DHX34: variants seen among roughly 807,000 people sequenced by gnomAD.
The protein encoded by DHX34 is DExH-box helicase 34.
A neutral mutation model predicts 111.1 loss-of-function variants in DHX34; 96 were observed. That is an observed-to-expected ratio of 0.86 (90% CI 0.73 to 1.02). DHX34 has a LOEUF of 1.02. DHX34 is among the 50% of genes least tolerant of loss of function. The probability of loss-of-function intolerance (pLI) is 0.00; values close to 1 mark genes in which losing one functional copy is unlikely to be tolerated. For synonymous variants in DHX34, 688 were observed against 670.4 expected, an observed-to-expected ratio of 1.03 and a Z score of -0.41; for missense variants, 1,560 against 1,579.9, an observed-to-expected ratio of 0.99 and a Z score of 0.21.
chr19:47,379,566 G>T, intron 13 of DHX34, 144 bp from the exon 14 acceptor site: 1 of 1,468,254 alleles, frequency 6.8e-7, no homozygotes, highest in Non-Finnish European at 9.0e-7. Context: ...AGGGGTGCCT[G>T]GTACAGCGGG....
chr19:47,355,101 A>G lies in DHX34; in HGVS notation c.768A>G (p.Thr256=). 2 of 1,613,454 alleles carry G rather than the reference A, an allele frequency of 1.2e-6. No individual in the cohort carries two copies. The highest frequency in any genetic ancestry group is 2.2e-5 in the East Asian group (1 of 44,830). ...RSAATKIVFL[T]VGLLLRQIQR... ...CGGCCACCAAGATTGTATTCCTGACAGTGGGGCTGCTCCTGCGACAAATCC... is the reference window on the plus strand; with the variant it reads ...CGGCCACCAAGATTGTATTCCTGACGGTGGGGCTGCTCCTGCGACAAATCC... The change falls in exon 3 of 17, where the codon ACA becomes ACG. Residue 256 remains threonine, a synonymous_variant. Coordinates refer to ENST00000328771, the MANE Select transcript of DHX34 (RefSeq NM_014681.6).
chr19:47,355,113 C>T lies in DHX34; in HGVS notation c.780C>T (p.Leu260=), dbSNP rs1252911641. The T allele has an allele frequency of 3.7e-6, 6 of 1,613,892 alleles. No homozygotes were observed. The highest frequency in any genetic ancestry group is 4.2e-6 in the Non-Finnish European group (5 of 1,180,030). ...TTGTATTCCTGACAGTGGGGCTGCT[C>T]CTGCGACAAATCCAGCGGGAACCCA... ...TKIVFLTVGL[L]LRQIQREPSL... Residue 260 remains leucine, a synonymous_variant, in exon 3 of 17, where the codon CTC becomes CTT. Coordinates refer to ENST00000328771, the MANE Select transcript of DHX34 (RefSeq NM_014681.6).
chr19:47,365,006 G>C (rs899840414), intron 6 of DHX34, among the ~76,000 whole-genome samples: 2 of 151,946 alleles, frequency 1.3e-5, no homozygotes, highest in Non-Finnish European at 2.9e-5. Flanking sequence ...AAGGCCACAG[G>C]AACATTTTCT....
Position 47,362,704 on chromosome 19 carries a change from G to A in DHX34, c.1593+11G>A. The A allele has an allele frequency of 5.6e-6, 9 of 1,603,844 alleles. No homozygotes were observed. Among genetic ancestry groups the A allele is most frequent in the Non-Finnish European group, 7.7e-6 (9 of 1,176,074 alleles). On this transcript the variant is annotated intron_variant, in intron 6 of 16. Coordinates refer to ENST00000328771, the MANE Select transcript of DHX34 (RefSeq NM_014681.6). ...TCGTTGGTGCTGCAGGTGAGGCATG[G>A]GCAGAAAGGGGACTATATCCTAACT...
Position 47,353,227 on chromosome 19 carries a change from G to A in DHX34, c.197G>A (p.Arg66His), listed in dbSNP as rs1969342178. The A allele has an allele frequency of 1.9e-6, 3 of 1,614,146 alleles. No homozygotes were observed. The highest frequency in any genetic ancestry group is 1.3e-5 in the African/African-American group (1 of 75,024). ...CAGAAGTTTTGGACCTTCTTTGAAC[G>A]CCTGCAGAGATTCCAGAATCTCAAG... ...ECQKFWTFFE[R>H]LQRFQNLKTS... The change falls in exon 2 of 17, where the codon CGC becomes CAC. Residue 66 changes from arginine (R) to histidine (H), a missense_variant. By Grantham distance (29) the Arg-to-His change is conservative. Coordinates refer to ENST00000328771, the MANE Select transcript of DHX34 (RefSeq NM_014681.6). The surrounding 1 kb of genome is among the most constrained non-coding windows in gnomAD (Gnocchi z 4.6).
chr19:47,376,168 G>A (rs1405766494), intron 11 of DHX34, 71 bp downstream of exon 11: 31 of 1,511,800 alleles, frequency 2.1e-5, no homozygotes, highest in African/African-American at 2.8e-5. Context: ...GTCCTGTGCC[G>A]GGAATGCAGT....
chr19:47,379,389 G>T (rs1258113107), intron 13 of DHX34, among the ~76,000 whole-genome samples: 2 of 152,250 alleles, frequency 1.3e-5, no homozygotes, highest in African/African-American at 4.8e-5. Flanking sequence ...CAGGGTCTGG[G>T]CTCTCCCTGC....
At chr19:47,351,943 C>G (rs1267358699) in intron 1 of DHX34, among the ~76,000 whole-genome samples, 1 of 152,188 alleles carries the variant, frequency 6.6e-6, no homozygotes, top group African/African-American at 2.4e-5. Flanking sequence ...GCCAGGCAGG[C>G]AAAAATTACA....
At chr19:47,362,928 G>A (rs6417155) in intron 6 of DHX34, among the ~76,000 whole-genome samples, 15,131 of 151,810 alleles carry the variant, frequency 0.1, 1,051 homozygotes, top group African/African-American at 0.19. Flanking sequence ...ACACCACCAC[G>A]CTTGGCTAAC....
In DHX34 at chr19:47,353,228, C is replaced by A. The variant is rs1161688683; in HGVS notation, c.198C>A (p.Arg66=). The A allele has an allele frequency of 6.2e-7, 1 of 1,614,166 alleles. No homozygotes were observed. The highest frequency in any genetic ancestry group is 1.1e-5 in the South Asian group (1 of 91,080). The part of the protein sequence containing the change: ...ECQKFWTFFE[R]LQRFQNLKTS... ...AGAAGTTTTGGACCTTCTTTGAACGCCTGCAGAGATTCCAGAATCTCAAGA... is the reference window on the plus strand; with the variant it reads ...AGAAGTTTTGGACCTTCTTTGAACGACTGCAGAGATTCCAGAATCTCAAGA... Residue 66 remains arginine (R), a synonymous_variant, in exon 2 of 17, where the codon CGC becomes CGA. Transcript: ENST00000328771. The surrounding 1 kb of genome is among the most constrained non-coding windows in gnomAD (Gnocchi z 4.6).
Position 47,358,000 on chromosome 19 carries a change from C to T in DHX34, c.1152C>T (p.Phe384=), listed in dbSNP as rs768568236. 4.3e-6 allele frequency: 7 copies of T among 1,613,886 alleles called. No homozygotes were observed. In the South Asian group the frequency reaches 6.6e-5, roughly 15 times the overall value. The change falls in exon 4 of 17, where the codon TTC becomes TTT. Residue 384 remains phenylalanine (F), a synonymous_variant. Coordinates refer to ENST00000328771, the MANE Select transcript of DHX34 (RefSeq NM_014681.6). The part of the protein sequence containing the change: ...PPEERGDLLV[F]LSGMAEISAV... Reference sequence around the variant, plus strand: ...AGGAGCGGGGTGACCTCCTCGTCTTCCTCAGCGGCATGGCGGAGATCAGCG... The same window carrying T: ...AGGAGCGGGGTGACCTCCTCGTCTTTCTCAGCGGCATGGCGGAGATCAGCG...
rs918551823 is a variant in DHX34, at chr19:47,354,264, C to T, written c.705+529C>T. On this transcript the variant is annotated intron_variant, in intron 2 of 16. Coordinates refer to ENST00000328771, the MANE Select transcript of DHX34 (RefSeq NM_014681.6). ...AGGTGTGAGCCACCACGTTGGGCTG[C>T]GAGGGTAATTCTTGACGATCACTGC... 3.9e-5 allele frequency among the ~76,000 whole-genome samples: 6 copies of T among 152,050 alleles called. No homozygotes were observed. In the South Asian group the frequency reaches 8.3e-4, roughly 21 times the overall value.
intron 1 of DHX34, among the ~76,000 whole-genome samples, chr19:47,351,639 T>C (rs1969290178): frequency 6.6e-6 from 1 of 152,222 alleles, no homozygotes; most frequent in African/African-American, 2.4e-5. Flanking sequence ...AGCTCCAGGC[T>C]TATATCAAAC....
chr19:47,360,711 C>G (rs1042317802), intron 5 of DHX34, among the ~76,000 whole-genome samples: 17 of 151,582 alleles, frequency 1.1e-4, no homozygotes, highest in South Asian at 4.2e-4. Flanking sequence ...TGTTTTGAGA[C>G]GGAGTCTTGC....
At chr19:47,378,364 G>A (rs1362845137) in intron 13 of DHX34, among the ~76,000 whole-genome samples, 1 of 152,166 alleles carries the variant, frequency 6.6e-6, no homozygotes, top group East Asian at 1.9e-4. Context: ...CACCCTCATG[G>A]GGCTCAGATA....
chr19:47,352,045 A>AT (rs1242325095), intron 1 of DHX34, among the ~76,000 whole-genome samples: 1 of 152,174 alleles, frequency 6.6e-6, no homozygotes, highest in Non-Finnish European at 1.5e-5. Context: ...TTTTCATTAT[A>AT]TCACACCTCT....
At chr19:47,376,717 G>T in intron 12 of DHX34, 157 bp downstream of exon 12, 1 of 1,425,292 alleles carries the variant, frequency 7.0e-7, no homozygotes, top group Non-Finnish European at 9.3e-7. Flanking sequence ...GGCCTCCCTG[G>T]GTAGCCTTGG....
intron 10 of DHX34, 24 bp downstream of exon 10, chr19:47,375,732 G>A: frequency 1.9e-6 from 3 of 1,559,678 alleles, no homozygotes; most frequent in Non-Finnish European, 2.6e-6. Context: ...GCTGTGGGGT[G>A]TGGGGGTTTA....
chr19:47,382,393 G>T lies in DHX34; in HGVS notation c.*280G>T. 2.3e-6 allele frequency: 1 copy of T among 440,860 alleles called. No homozygotes were observed. Among genetic ancestry groups the T allele is most frequent in the Non-Finnish European group, 3.9e-6 (1 of 254,604 alleles). 27.3% of individuals were successfully genotyped at this position (440,860 alleles called of 1,614,324 possible). A position where few individuals can be genotyped will look rare whatever the true frequency, so the allele number is the denominator to read the frequency against. On this transcript the variant is annotated 3_prime_UTR_variant, in exon 17 of 17. Transcript: ENST00000328771. Reference sequence around the variant, plus strand: ...CAGGGTGCTGCCTGAGGGGTCCTGGGTAGGAGGGGCGTTAGAGCCAGCAGG... The same window carrying T: ...CAGGGTGCTGCCTGAGGGGTCCTGGTTAGGAGGGGCGTTAGAGCCAGCAGG...
Sources: gnomAD v4.1 joint callset for allele counts (sites outside exome capture counted in the v4.1 genomes callset) on GRCh38, gnomAD v4.1.1 for gene constraint, Gnocchi (gnomAD v3.1) non-coding constraint, MANE v1.5 for transcripts, NCBI Gene and HGNC (gene_info 2026-07-23, HGNC 2026-07-21) for gene names.